Variants in ARID4B observed in about 807,000 individuals in gnomAD.
ARID4B encodes AT-rich interaction domain 4B.
In ARID4B, 26 loss-of-function variants were observed where a neutral mutation model predicts 147.5. The ratio of observed to expected loss-of-function variants is 0.18; its 90% CI spans 0.13 to 0.24. The LOEUF is 0.24. ARID4B is among the 10% of genes least tolerant of loss of function. The pLI is 1.00. For missense variants in ARID4B, 1,179 were observed against 1,511.5 expected, an observed-to-expected ratio of 0.78 and a Z score of 3.65; for synonymous variants, 512 against 507.9, an observed-to-expected ratio of 1.01 and a Z score of -0.11.
intron 2 of ARID4B, among the ~76,000 whole-genome samples, chr1:235,284,912 T>TA (rs1558278068): frequency 1.8e-4 from 16 of 87,330 alleles, no homozygotes; most frequent in South Asian, 7.1e-4. Context: ...ATATATATAT[T>TA]TTTTTTTTGG....
At chr1:235,233,291 T>A (rs991135523) in intron 9 of ARID4B, among the ~76,000 whole-genome samples, 2 of 151,776 alleles carry the variant, frequency 1.3e-5, no homozygotes, top group African/African-American at 4.8e-5. Flanking sequence ...CTACAAAAAA[T>A]ACAAAAATAG....
intron 19 of ARID4B, among the ~76,000 whole-genome samples, chr1:235,183,355 C>A (rs916684266): frequency 3.9e-5 from 6 of 151,930 alleles, no homozygotes; most frequent in African/African-American, 1.4e-4. Flanking sequence ...ACTACAGGCG[C>A]CCACCACCAC....
intron 10 of ARID4B, 61 bp from the exon 11 acceptor site, chr1:235,229,446 G>T (rs1471635875): frequency 6.3e-5 from 73 of 1,150,250 alleles, no homozygotes; most frequent in East Asian, 2.0e-4. Context: ...TTCTCAAAAA[G>T]TATTAAACAC....
At chr1:235,194,332 A>C (rs1303417345) in intron 18 of ARID4B, 121 bp from the exon 19 acceptor site, 13 of 804,434 alleles carry the variant, frequency 1.6e-5, no homozygotes, top group Non-Finnish European at 2.5e-5. Flanking sequence ...ATAAAAAGAA[A>C]GAACATAAGA....
intron 2 of ARID4B, among the ~76,000 whole-genome samples, chr1:235,315,260 C>T (rs1401061598): frequency 2.0e-5 from 3 of 152,036 alleles, no homozygotes; most frequent in African/African-American, 7.3e-5. Context: ...CCCGTCTCTA[C>T]CAAAAATACA....
intron 2 of ARID4B, among the ~76,000 whole-genome samples, chr1:235,319,382 T>C (rs977204915): frequency 6.6e-6 from 1 of 152,084 alleles, no homozygotes; most frequent in African/African-American, 2.4e-5. Context: ...CATGGTGCCG[T>C]GCACCTCTGG....
chr1:235,294,854 A>G (rs1286972514), intron 2 of ARID4B, among the ~76,000 whole-genome samples: 1 of 151,766 alleles, frequency 6.6e-6, no homozygotes. Context: ...GAAACCATGT[A>G]AATATTTTAC....
intron 17 of ARID4B, among the ~76,000 whole-genome samples, chr1:235,205,530 A>G (rs1666251921): frequency 6.6e-6 from 1 of 152,192 alleles, no homozygotes; most frequent in South Asian, 2.1e-4. Context: ...TTAGAAGAAA[A>G]CATAAAGGAA....
At chr1:235,225,830 A>G (rs914607446) in intron 11 of ARID4B, among the ~76,000 whole-genome samples, 1 of 152,228 alleles carries the variant, frequency 6.6e-6, no homozygotes, top group African/African-American at 2.4e-5. Context: ...TAGTACAACA[A>G]AGAAAGGTAA....
chr1:235,254,292 T>C (rs1669816346), intron 5 of ARID4B, among the ~76,000 whole-genome samples: 1 of 152,084 alleles, frequency 6.6e-6, no homozygotes, highest in East Asian at 1.9e-4. Flanking sequence ...CGAAAGACAT[T>C]TTACTAGGTG....
intron 7 of ARID4B, 103 bp downstream of exon 7, chr1:235,246,317 A>G: frequency 1.1e-6 from 1 of 889,636 alleles, no homozygotes; most frequent in Non-Finnish European, 1.8e-6. Flanking sequence ...TTACTATTAG[A>G]TCTGGTTAGC....
chr1:235,173,772 ATATATATATATATATATATATATAT>A (rs1300918819), intron 22 of ARID4B, among the ~76,000 whole-genome samples: 6 of 14,684 alleles, frequency 4.1e-4, no homozygotes, highest in East Asian at 6.8e-3. Context: ...AAAAAAAAAA[ATATATATATATATATATATATATAT>A]ATATATATAT....
At chr1:235,198,450 T>C (rs1665650068) in intron 17 of ARID4B, among the ~76,000 whole-genome samples, 1 of 152,224 alleles carries the variant, frequency 6.6e-6, no homozygotes. Flanking sequence ...GGAAGATTCC[T>C]TTATTACTCA....
chr1:235,200,854 T>C (rs1369507452), intron 17 of ARID4B, among the ~76,000 whole-genome samples: 1 of 151,996 alleles, frequency 6.6e-6, no homozygotes, highest in Non-Finnish European at 1.5e-5. Flanking sequence ...TCATAAAAAA[T>C]TAAAATAGGC....
In ARID4B at chr1:235,220,341, C is replaced by T. The variant is rs767443187; in HGVS notation, c.1368G>A (p.Glu456=). Residue 456 remains glutamate (E), a synonymous_variant, in exon 15 of 24, where the codon GAG becomes GAA. Coordinates refer to ENST00000264183, the MANE Select transcript of ARID4B (RefSeq NM_016374.6). The part of the protein sequence containing the change: ...NIIPREEKPI[E]DEIERKENIK... ...TATTTTCTTTTCTTTCAATTTCATC[C>T]TCAATAGGCTTTTCTTCTCTTGGTA... The T allele has an allele frequency of 6.2e-7, 1 of 1,605,254 alleles. No homozygotes were observed. Among genetic ancestry groups the T allele is most frequent in the African/African-American group, 1.3e-5 (1 of 74,312 alleles).
intron 2 of ARID4B, among the ~76,000 whole-genome samples, chr1:235,297,329 G>A (rs1261534287): frequency 6.6e-6 from 1 of 152,042 alleles, no homozygotes; most frequent in Non-Finnish European, 1.5e-5. Context: ...CGTTTTAGTG[G>A]GTTCCTAGGA....
chr1:235,290,152 G>C (rs1379131373), intron 2 of ARID4B, among the ~76,000 whole-genome samples: 1 of 152,110 alleles, frequency 6.6e-6, no homozygotes, highest in African/African-American at 2.4e-5. Flanking sequence ...TCATATTGCT[G>C]CTGAGAATGT....
At position 235,295,171 on chromosome 1, in the gene ARID4B, T is replaced by C. The variant is rs561858536; in HGVS notation, c.6+31743A>G. On this transcript the variant is annotated intron_variant, in intron 2 of 23. Transcript: ENST00000264183. ...AAGCTAATATGTGTTATATGTATAA[T>C]ATAATGTTAATGTTGTTAGGAACCA... 1.3e-3 allele frequency among the ~76,000 whole-genome samples: 194 copies of C among 152,254 alleles called. 1 individual carries two copies. Among genetic ancestry groups the C allele is most frequent in the African/African-American group, 4.6e-3 (190 of 41,540 alleles).
intron 2 of ARID4B, among the ~76,000 whole-genome samples, chr1:235,290,654 C>G (rs540970133): frequency 6.6e-6 from 1 of 152,204 alleles, no homozygotes; most frequent in African/African-American, 2.4e-5. Flanking sequence ...CTGTCCTATA[C>G]AGAACTGCAA....
Sources: gnomAD v4.1 joint callset for allele counts (sites outside exome capture counted in the v4.1 genomes callset) on GRCh38, gnomAD v4.1.1 for gene constraint, MANE v1.5 for transcripts, NCBI Gene and HGNC (gene_info 2026-07-23, HGNC 2026-07-21) for gene names.